Variants in SERAC1 observed in about 807,000 individuals in gnomAD.
The protein encoded by SERAC1 is serine active site containing 1.
In SERAC1, 36 loss-of-function variants were observed where a neutral mutation model predicts 85.7. The observed-to-expected ratio is 0.42, with a 90% CI of 0.32 to 0.55. The LOEUF (loss-of-function observed/expected upper bound fraction) is 0.55. Ranked by LOEUF, SERAC1 falls within the 20% of genes least tolerant of loss-of-function variation. The pLI is 0.11. For synonymous variants in SERAC1, 242 were observed against 265.3 expected, an observed-to-expected ratio of 0.91 and a Z score of 0.85; for missense variants, 629 against 796.2, an observed-to-expected ratio of 0.79 and a Z score of 2.53.
intron 5 of SERAC1, among the ~76,000 whole-genome samples, chr6:158,148,473 C>T (rs1300694346): frequency 3.3e-5 from 5 of 152,004 alleles, no homozygotes; most frequent in African/African-American, 7.2e-5. Flanking sequence ...GACAGAGTCT[C>T]ACTCTGTCAC....
chr6:158,162,700 C>G (rs1389515983), intron 1 of SERAC1, among the ~76,000 whole-genome samples: 1 of 152,180 alleles, frequency 6.6e-6, no homozygotes, highest in Non-Finnish European at 1.5e-5. Flanking sequence ...TCATCACCTT[C>G]TGTTTAGTTG....
Position 158,143,059 on chromosome 6 carries a change from C to T in SERAC1, c.735G>A (p.Gln245=), listed in dbSNP as rs1784955024. 6.2e-7 allele frequency: 1 copy of T among 1,608,642 alleles called. No individual in the cohort carries two copies. Among genetic ancestry groups the T allele is most frequent in the African/African-American group, 1.3e-5 (1 of 74,682 alleles). Residue 245 remains glutamine (Q), a synonymous_variant, in exon 8 of 17, where the codon CAG becomes CAA. Coordinates refer to ENST00000647468, the MANE Select transcript of SERAC1 (RefSeq NM_032861.4). ...CTGAATGAATACATGAACTAACCTTCTGAGCAGCTAGACTCTGACTGCTTT... is the reference window on the plus strand; with the variant it reads ...CTGAATGAATACATGAACTAACCTTTTGAGCAGCTAGACTCTGACTGCTTT... ...LSESSQSLAA[Q]KGGLWCFGGN... is the part of the protein sequence containing the mutation.
At chr6:158,127,352 G>C (rs1345309854) in intron 10 of SERAC1, among the ~76,000 whole-genome samples, 2 of 10,526 alleles carry the variant, frequency 1.9e-4, no homozygotes, top group African/African-American at 2.9e-4. Flanking sequence ...CCGGCCAGCC[G>C]CCCCGTCCGG....
intron 10 of SERAC1, among the ~76,000 whole-genome samples, chr6:158,124,286 C>T (rs1784486017): frequency 6.6e-6 from 1 of 151,898 alleles, no homozygotes. Flanking sequence ...AAAATTTAAA[C>T]ATAATGAATA....
chr6:158,162,200 T>G (rs1313186273), intron 1 of SERAC1: 1 of 152,240 alleles, frequency 6.6e-6, no homozygotes, highest in African/African-American at 2.4e-5. Flanking sequence ...AGACATATGA[T>G]AATGGGCTAT....
rs9356376 is a variant in SERAC1, at chr6:158,118,796, A to G, written c.1308+233T>C. Among the ~76,000 whole-genome samples the G allele has an allele frequency of 0.31, 46,784 of 151,982 alleles. 8,648 individuals are homozygous for G. Among genetic ancestry groups the G allele is most frequent in the Admixed American group, 0.52 (7,927 of 15,254 alleles). On this transcript the variant is annotated intron_variant, in intron 12 of 16. Coordinates refer to ENST00000647468, the MANE Select transcript of SERAC1 (RefSeq NM_032861.4). Reference sequence around the variant, plus strand: ...TGAACTATTACTGGCTCTTGCCCCTATTTTTTACTTAATAGAATATTTTTT... The same window carrying G: ...TGAACTATTACTGGCTCTTGCCCCTGTTTTTTACTTAATAGAATATTTTTT...
At chr6:158,149,311 C>CTATGCTCCAA (rs1432303763) in intron 4 of SERAC1, among the ~76,000 whole-genome samples, 2 of 152,204 alleles carry the variant, frequency 1.3e-5, no homozygotes, top group African/African-American at 4.8e-5. Flanking sequence ...ATTCTTAACA[C>CTATGCTCCAA]TATGCTCCAA....
In SERAC1 at chr6:158,110,380, T is replaced by G. The variant is rs1784116771; in HGVS notation, c.*986A>C. The G allele has an allele frequency of 2.6e-5, 4 of 152,148 alleles. No homozygotes were observed. The highest frequency in any genetic ancestry group is 2.6e-4 in the Admixed American group (4 of 15,256). The allele number at this position is 152,148 out of a possible 1,614,324, so 9.4% of individuals were successfully genotyped here. ...CAGCTTGGGCAACAGAGTCAGACCC[T>G]GTCTCTAAACAAACAAAACAAAACA... On this transcript the variant is annotated 3_prime_UTR_variant, in exon 17 of 17. Transcript: ENST00000647468.
intron 8 of SERAC1, among the ~76,000 whole-genome samples, chr6:158,136,644 G>T (rs1281949680): frequency 1.3e-5 from 2 of 152,302 alleles, no homozygotes; most frequent in South Asian, 2.1e-4. Context: ...ACAGGCATGG[G>T]CCACTGTGCC....
At chr6:158,134,149 A>G (rs1784741702) in intron 8 of SERAC1, among the ~76,000 whole-genome samples, 1 of 152,254 alleles carries the variant, frequency 6.6e-6, no homozygotes, top group African/African-American at 2.4e-5. Context: ...TTTGAGATCA[A>G]CAGTTCAATG....
intron 6 of SERAC1, among the ~76,000 whole-genome samples, chr6:158,145,015 G>A (rs1447091463): frequency 1.3e-5 from 2 of 152,110 alleles, no homozygotes; most frequent in Non-Finnish European, 1.5e-5. Context: ...AAGCCGAGGC[G>A]GGCGGATCAT....
In SERAC1 at chr6:158,158,277, A is replaced by C. The variant is rs1404505029; in HGVS notation, c.87T>G (p.Asp29Glu). Residue 29 changes from aspartate to glutamate, a missense_variant, in exon 2 of 17, where the codon GAT (aspartate) becomes GAG (glutamate). Physicochemically the swap from Asp to Glu is conservative, Grantham distance 45 (BLOSUM62 2). Transcript: ENST00000647468. The part of the protein sequence containing the change: ...SPPKSGTHWR[D>E]IRNIIKFTGS... ...AGTTGTTTAAGCTGTACTCACTGATATCTCTCCAGTGTGTGCCACTTTTTG... is the reference window on the plus strand; with the variant it reads ...AGTTGTTTAAGCTGTACTCACTGATCTCTCTCCAGTGTGTGCCACTTTTTG... 1.9e-6 allele frequency: 3 copies of C among 1,599,726 alleles called. No individual in the cohort carries two copies. Among genetic ancestry groups the C allele is most frequent in the Admixed American group, 1.7e-5 (1 of 59,938 alleles).
At chr6:158,142,450 T>G (rs796421914) in intron 8 of SERAC1, among the ~76,000 whole-genome samples, 16 of 151,600 alleles carry the variant, frequency 1.1e-4, no homozygotes, top group African/African-American at 3.9e-4. Flanking sequence ...GGGATTACAG[T>G]TGTGAGCCAC....
Position 158,114,786 on chromosome 6 carries a change from T to A in SERAC1, c.1684+3A>T. 6.2e-7 allele frequency: 1 copy of A among 1,610,084 alleles called. No homozygotes were observed. Among genetic ancestry groups the A allele is most frequent in the South Asian group, 1.1e-5 (1 of 90,900 alleles). ...CAATTTCCTTTATGACAAAAAGTAT[T>A]ACCCTTGCTGAGTTCTTTGACTTCC... On this transcript the variant is annotated splice_donor_region_variant and intron_variant, in intron 15 of 16. Coordinates refer to ENST00000647468, the MANE Select transcript of SERAC1 (RefSeq NM_032861.4).
intron 1 of SERAC1, among the ~76,000 whole-genome samples, chr6:158,164,362 C>G (rs1452190052): frequency 6.6e-6 from 1 of 151,956 alleles, no homozygotes; most frequent in Non-Finnish European, 1.5e-5. Flanking sequence ...GTAGTCCCAG[C>G]TACTCAGGAG....
intron 8 of SERAC1, among the ~76,000 whole-genome samples, chr6:158,132,092 T>A (rs1343152114): frequency 6.6e-6 from 1 of 152,174 alleles, no homozygotes; most frequent in Non-Finnish European, 1.5e-5. Context: ...GCTTTGGAAG[T>A]GCTTCACTTT....
intron 4 of SERAC1, among the ~76,000 whole-genome samples, chr6:158,149,329 A>G (rs553553562): frequency 1.3e-5 from 2 of 152,352 alleles, no homozygotes; most frequent in East Asian, 3.9e-4. Context: ...CAACGTTTCA[A>G]AGAGATATGT....
intron 10 of SERAC1, among the ~76,000 whole-genome samples, chr6:158,126,760 C>A (rs1323867204): frequency 6.6e-6 from 1 of 152,082 alleles, no homozygotes. Context: ...TCTTGGTTAA[C>A]CAAATCACAT....
rs928451250 is a variant in SERAC1, at chr6:158,117,574, T to C, written c.1403+153A>G. On this transcript the variant is annotated intron_variant, in intron 13 of 16. Transcript: ENST00000647468. The surrounding 1 kb of genome is among the most constrained non-coding windows in gnomAD (Gnocchi z 4.3). ...CCACTGCTTATTGACAGCAAACTCC[T>C]TCTAGAAGGAAGACAAAAAAGATTA... is the stretch of plus-strand genomic sequence containing the variant. 2.1e-5 allele frequency: 32 copies of C among 1,551,636 alleles called. No homozygotes were observed. The highest frequency in any genetic ancestry group is 2.6e-5 in the Non-Finnish European group (30 of 1,147,226).
Sources: allele counts gnomAD v4.1 joint callset (sites outside exome capture counted in the v4.1 genomes callset), GRCh38; gene constraint gnomAD v4.1.1; non-coding constraint Gnocchi (gnomAD v3.1); transcripts MANE v1.5; gene names NCBI Gene and HGNC (gene_info 2026-07-23, HGNC 2026-07-21).